The following AGPAT4 variants were observed in gnomAD, a reference collection of about 807,000 sequenced individuals.
AGPAT4 encodes the protein 1-acyl-sn-glycerol-3-phosphate acyltransferase delta.
Under a neutral mutation model 48.0 loss-of-function variants are expected in AGPAT4, and 15 were observed. The observed-to-expected ratio is 0.31, with a 90% confidence interval of 0.21 to 0.48. The LOEUF (loss-of-function observed/expected upper bound fraction) is 0.48, where lower values mean the gene tolerates loss of function less well. AGPAT4 is among the 20% of genes least tolerant of loss of function. AGPAT4 has a pLI of 0.99. For synonymous variants in AGPAT4, 178 were observed against 198.7 expected (o/e 0.90, Z 0.88); for missense variants, 314 against 482.5 (o/e 0.65, Z 3.27).
intron 2 of AGPAT4, among the ~76,000 whole-genome samples, chr6:161,174,849 A>G (rs1780384719): frequency 6.6e-6 from 1 of 152,204 alleles, no homozygotes; most frequent in Non-Finnish European, 1.5e-5. Context: ...GAGAGTTTTT[A>G]GCATGAAGCG....
rs569040581 is a variant in AGPAT4, at chr6:161,199,432, G to T, written c.178+32604C>A. ...ACTAGGTGTGTCTGGGAAGGCATTT[G>T]GTAGATGTGGTCATACACACACACA... On this transcript the variant is annotated intron_variant, in intron 2 of 8. Transcript: ENST00000320285. Among the ~76,000 whole-genome samples, 15 of 152,268 alleles carry T rather than the reference G, an allele frequency of 9.9e-5. No homozygotes were observed. The East Asian group carries it at 2.7e-3, about 27-fold the overall frequency.
chr6:161,194,443 TTTG>T (rs1781005832), intron 2 of AGPAT4, among the ~76,000 whole-genome samples: 4 of 136,884 alleles, frequency 2.9e-5, no homozygotes, highest in African/African-American at 1.3e-4. Context: ...TGTGTGTGTG[TTTG>T]TGTGTGTGTG....
Position 161,214,777 on chromosome 6 carries a change from T to C in AGPAT4, c.178+17259A>G, listed in dbSNP as rs1181280963. Among the ~76,000 whole-genome samples, 1 of 151,942 alleles carries C rather than the reference T, an allele frequency of 6.6e-6. No homozygotes were observed. The highest frequency in any genetic ancestry group is 1.5e-5 in the Non-Finnish European group (1 of 67,994). On this transcript the variant is annotated intron_variant, in intron 2 of 8. Transcript: ENST00000320285. The surrounding 1 kb of genome is among the most constrained non-coding windows in gnomAD (Gnocchi z 5.4). ...GAGGAAGACTCCGTCTCAAAATAAA[T>C]AAATAAATAAATAATAAAATAAACA...
intron 1 of AGPAT4, among the ~76,000 whole-genome samples, chr6:161,250,895 T>C (rs1019628415): frequency 5.3e-5 from 8 of 152,206 alleles, no homozygotes; most frequent in Admixed American, 2.6e-4. Flanking sequence ...AAGTATTTAT[T>C]AAATGCTGTT....
chr6:161,161,148 T>C lies in AGPAT4; in HGVS notation c.348+5100A>G, dbSNP rs1354264370. ...CAAGCTTTCAACAACCCTGGCTTTA[T>C]GAGCGGTGGGATCAGACTCTGGCTT... On this transcript the variant is annotated intron_variant, in intron 3 of 8. Transcript: ENST00000320285. The surrounding 1 kb of genome is among the most constrained non-coding windows in gnomAD (Gnocchi z 4.6). 4.4e-6 allele frequency: 2 copies of C among 456,594 alleles called. No homozygotes were observed. Among genetic ancestry groups the C allele is most frequent in the Non-Finnish European group, 4.4e-6 (1 of 226,972 alleles). 28.3% of individuals were successfully genotyped at this position (456,594 alleles called of 1,614,324 possible). A position where few individuals can be genotyped will look rare whatever the true frequency, so the allele number is the denominator to read the frequency against.
In AGPAT4 at chr6:161,169,167, G is replaced by C. The variant is rs1462318019; in HGVS notation, c.179-2750C>G. Among the ~76,000 whole-genome samples, 4 of 152,118 alleles carry C rather than the reference G, an allele frequency of 2.6e-5. No individual in the cohort carries two copies. The highest frequency in any genetic ancestry group is 6.5e-5 in the Admixed American group (1 of 15,278). On this transcript the variant is annotated intron_variant, in intron 2 of 8. Coordinates refer to ENST00000320285, the MANE Select transcript of AGPAT4 (RefSeq NM_020133.3). The surrounding 1 kb of genome is among the most constrained non-coding windows in gnomAD (Gnocchi z 5.0). Reference sequence around the variant, plus strand: ...TCACAGAGACTTCTGGGTTACCAGAGTAAGGAGTTATGATTTATGATTTCA... The same window carrying C: ...TCACAGAGACTTCTGGGTTACCAGACTAAGGAGTTATGATTTATGATTTCA...
chr6:161,146,638 G>GC lies in AGPAT4; in HGVS notation c.768-40dup. The GC allele has an allele frequency of 6.3e-7, 1 of 1,591,920 alleles. No homozygotes were observed. ...GAGCAGCTAGCAGAGAGGAGGTGATGCCCCCCTACAACATACAGTTTCCAG... is the reference window on the plus strand; with the variant it reads ...GAGCAGCTAGCAGAGAGGAGGTGATGCCCCCCCTACAACATACAGTTTCCAG... On this transcript the variant is annotated intron_variant, in intron 6 of 8. Transcript: ENST00000320285. This position sits in a 1 kb window ranked among gnomAD's most constrained non-coding sequence, Gnocchi z 7.1.
rs530691245 is a variant in AGPAT4, at chr6:161,136,284, T to A, written c.*256A>T. Reference sequence around the variant, plus strand: ...TATGATCACAGAACAAAGTTCACACTCACCACACAGCCATTCTCACACACA... The same window carrying A: ...TATGATCACAGAACAAAGTTCACACACACCACACAGCCATTCTCACACACA... On this transcript the variant is annotated 3_prime_UTR_variant, in exon 9 of 9. Transcript: ENST00000320285. The A allele has an allele frequency of 1.2e-5, 5 of 433,800 alleles. No homozygotes were observed. The highest frequency in any genetic ancestry group is 6.5e-4 in the Middle Eastern group (1 of 1,536). 26.9% of individuals were successfully genotyped at this position (433,800 alleles called of 1,614,324 possible).
chr6:161,152,561 G>T (rs1779623392), intron 5 of AGPAT4, among the ~76,000 whole-genome samples: 1 of 152,196 alleles, frequency 6.6e-6, no homozygotes, highest in African/African-American at 2.4e-5. Context: ...CCAGATGCAG[G>T]CCTGGGGAGG....
rs1252631647 is a variant in AGPAT4, at chr6:161,242,525, G to T, written c.-89-10223C>A. Among the ~76,000 whole-genome samples the T allele has an allele frequency of 2.0e-5, 3 of 152,172 alleles. No individual in the cohort carries two copies. Among genetic ancestry groups the T allele is most frequent in the Admixed American group, 1.3e-4 (2 of 15,286 alleles). On this transcript the variant is annotated intron_variant, in intron 1 of 8. Transcript: ENST00000320285. The surrounding 1 kb of genome is among the most constrained non-coding windows in gnomAD (Gnocchi z 5.0). ...GCCCGCAGCCTCATGGGGCTGGAGG[G>T]TGCAGACCTCAGAGTAGGTACACAT...
chr6:161,182,097 A>T (rs1470430764), intron 2 of AGPAT4, among the ~76,000 whole-genome samples: 1 of 152,092 alleles, frequency 6.6e-6, no homozygotes, highest in East Asian at 1.9e-4. Flanking sequence ...TGCTCTGAAC[A>T]GGCAGCAGGG....
intron 5 of AGPAT4, among the ~76,000 whole-genome samples, chr6:161,152,385 G>A (rs1053555489): frequency 6.6e-6 from 1 of 152,152 alleles, no homozygotes; most frequent in Admixed American, 6.5e-5. Context: ...TGTGCAGCAG[G>A]GTGTTAAACA....
At chr6:161,213,599 C>T (rs1781572755) in intron 2 of AGPAT4, among the ~76,000 whole-genome samples, 1 of 152,070 alleles carries the variant, frequency 6.6e-6, no homozygotes, top group African/African-American at 2.4e-5. Flanking sequence ...GAACTGAAGC[C>T]AGACAACTTA....
chr6:161,151,099 C>G (rs930358182), intron 5 of AGPAT4, among the ~76,000 whole-genome samples: 1 of 152,218 alleles, frequency 6.6e-6, no homozygotes, highest in African/African-American at 2.4e-5. Flanking sequence ...CAGCCTGATT[C>G]TAACTGCAAG....
At chr6:161,145,418 T>G (rs1025311729) in intron 7 of AGPAT4, among the ~76,000 whole-genome samples, 1 of 151,598 alleles carries the variant, frequency 6.6e-6, no homozygotes, top group African/African-American at 2.4e-5. Context: ...GAGGCCCACA[T>G]GCCAGCTCTG....
Position 161,272,791 on chromosome 6 carries a change from A to C in AGPAT4, c.-90+1147T>G, listed in dbSNP as rs1442727540. 6.6e-6 allele frequency among the ~76,000 whole-genome samples: 1 copy of C among 152,092 alleles called. No homozygotes were observed. Among genetic ancestry groups the C allele is most frequent in the African/African-American group, 2.4e-5 (1 of 41,398 alleles). The stretch of plus-strand genomic sequence containing the variant: ...TTTTTCCAACTGAGAGTCGTTGACT[A>C]ATCACAGATGAGTTAATCCTTCCAC... On this transcript the variant is annotated intron_variant, in intron 1 of 8. Coordinates refer to ENST00000320285, the MANE Select transcript of AGPAT4 (RefSeq NM_020133.3). The surrounding 1 kb of genome is among the most constrained non-coding windows in gnomAD (Gnocchi z 4.2).
Position 161,180,078 on chromosome 6 carries a change from C to G in AGPAT4, c.179-13661G>C, listed in dbSNP as rs1191433493. 6.6e-6 allele frequency among the ~76,000 whole-genome samples: 1 copy of G among 152,204 alleles called. No individual in the cohort carries two copies. Among genetic ancestry groups the G allele is most frequent in the Non-Finnish European group, 1.5e-5 (1 of 68,038 alleles). Reference sequence around the variant, plus strand: ...CTCCTTATTCTCAGCTCCTACTCCTCTCTAAGTAGTCAGTCACAAGACCTG... The same window carrying G: ...CTCCTTATTCTCAGCTCCTACTCCTGTCTAAGTAGTCAGTCACAAGACCTG... On this transcript the variant is annotated intron_variant, in intron 2 of 8. Coordinates refer to ENST00000320285, the MANE Select transcript of AGPAT4 (RefSeq NM_020133.3). This position sits in a 1 kb window ranked among gnomAD's most constrained non-coding sequence, Gnocchi z 6.4.
Position 161,171,927 on chromosome 6 carries a change from C to A in AGPAT4, c.179-5510G>T, listed in dbSNP as rs78207873. Among the ~76,000 whole-genome samples, 12,444 of 151,666 alleles carry A rather than the reference C, an allele frequency of 0.082. 660 individuals are homozygous for A. Among genetic ancestry groups the A allele is most frequent in the Non-Finnish European group, 0.11 (7,298 of 67,874 alleles). On this transcript the variant is annotated intron_variant, in intron 2 of 8. Transcript: ENST00000320285. This position sits in a 1 kb window ranked among gnomAD's most constrained non-coding sequence, Gnocchi z 4.4. The stretch of plus-strand genomic sequence containing the variant: ...AAACAAAAAACAAAAAACAAAAAAC[C>A]AAAAGTTTCCAACACATGAACTCTG...
Position 161,260,985 on chromosome 6 carries a change from C to T in AGPAT4, c.-90+12953G>A, listed in dbSNP as rs75808358. ...CAGGAAATCTCCTTAGAGGAGTGCA[C>T]ACTGAACCACGTCTTCGCCTTCTAG... On this transcript the variant is annotated intron_variant, in intron 1 of 8. Coordinates refer to ENST00000320285, the MANE Select transcript of AGPAT4 (RefSeq NM_020133.3). 4.4e-3 allele frequency among the ~76,000 whole-genome samples: 676 copies of T among 152,362 alleles called. 10 individuals are homozygous for T. The highest frequency in any genetic ancestry group is 0.033 in the East Asian group (171 of 5,182).
Sources: gnomAD v4.1 joint callset for allele counts (sites outside exome capture counted in the v4.1 genomes callset) on GRCh38, gnomAD v4.1.1 for gene constraint, Gnocchi (gnomAD v3.1) non-coding constraint, MANE v1.5 for transcripts, NCBI Gene and HGNC (gene_info 2026-07-23, HGNC 2026-07-21) for gene names.